The following VIPR2 variants were observed in gnomAD, a reference collection of about 807,000 sequenced individuals.
The protein encoded by VIPR2 is vasoactive intestinal polypeptide receptor 2.
Under a neutral mutation model 58.0 loss-of-function variants are expected in VIPR2, and 48 were observed. That is an observed-to-expected ratio of 0.83 (90% CI 0.66 to 1.05). The LOEUF (loss-of-function observed/expected upper bound fraction) is 1.05. VIPR2 is among the 50% of genes least tolerant of loss of function. The probability of loss-of-function intolerance (pLI) is 0.00; values close to 1 mark genes in which losing one functional copy is unlikely to be tolerated. For missense variants in VIPR2, 534 were observed against 558.0 expected, an observed-to-expected ratio of 0.96 and a Z score of 0.43; for synonymous variants, 243 against 235.2, an observed-to-expected ratio of 1.03 and a Z score of -0.30.
chr7:159,126,261 A>G (rs1057182494), intron 2 of VIPR2, among the ~76,000 whole-genome samples: 4 of 152,240 alleles, frequency 2.6e-5, no homozygotes, highest in African/African-American at 7.2e-5. Context: ...TAATTCTAAC[A>G]CAAACAGTGA....
Position 159,093,812 on chromosome 7 carries a change from G to A in VIPR2, c.357+9945C>T, listed in dbSNP as rs551115346. 1.3e-5 allele frequency among the ~76,000 whole-genome samples: 2 copies of A among 151,012 alleles called. No individual in the cohort carries two copies. The highest frequency in any genetic ancestry group is 1.9e-4 in the East Asian group (1 of 5,148). ...CCGGACAGGGGAGAGGCCCTGCAGCGTCCCTGGGTCCGGACATGGGAGAGG... is the reference window on the plus strand; with the variant it reads ...CCGGACAGGGGAGAGGCCCTGCAGCATCCCTGGGTCCGGACATGGGAGAGG... On this transcript the variant is annotated intron_variant, in intron 4 of 12. Transcript: ENST00000262178. This position sits in a 1 kb window ranked among gnomAD's most constrained non-coding sequence, Gnocchi z 6.7.
At chr7:159,084,682 G>A (rs947497683) in intron 4 of VIPR2, among the ~76,000 whole-genome samples, 7 of 152,224 alleles carry the variant, frequency 4.6e-5, no homozygotes, top group Admixed American at 3.9e-4. Context: ...ATGGGTCCCC[G>A]GAGCATGTGG....
At chr7:159,037,698 AT>A (rs1398479219) in intron 6 of VIPR2, among the ~76,000 whole-genome samples, 4 of 152,228 alleles carry the variant, frequency 2.6e-5, no homozygotes, top group Admixed American at 2.0e-4. Flanking sequence ...GCATTATTAT[AT>A]AAAATCCATC....
chr7:159,092,758 TCA>T (rs1857578709), intron 4 of VIPR2, among the ~76,000 whole-genome samples: 1 of 151,608 alleles, frequency 6.6e-6, no homozygotes, highest in South Asian at 2.1e-4. Flanking sequence ...TCGGCTGTTC[TCA>T]GAGATTTGTG....
chr7:159,113,811 T>A (rs1486030570), intron 2 of VIPR2, among the ~76,000 whole-genome samples: 1 of 152,174 alleles, frequency 6.6e-6, no homozygotes, highest in East Asian at 1.9e-4. Flanking sequence ...GAGAGATAGA[T>A]CTTTATTCTT....
rs989362103 is a variant in VIPR2 at position 159,047,825 on chromosome 7, T to G, written c.456-4649A>C. Among the ~76,000 whole-genome samples, 6 of 152,346 alleles carry G rather than the reference T, an allele frequency of 3.9e-5. No homozygotes were observed. The East Asian group carries it at 9.6e-4, about 24-fold the overall frequency. On this transcript the variant is annotated intron_variant, in intron 5 of 12. Transcript: ENST00000262178. ...TGCTTGGGTGAGTCATGGAAGAATTTTACAATATTCACTGTATTGGTAACT... is the reference window on the plus strand; with the variant it reads ...TGCTTGGGTGAGTCATGGAAGAATTGTACAATATTCACTGTATTGGTAACT...
intron 4 of VIPR2, among the ~76,000 whole-genome samples, chr7:159,082,821 G>T (rs2129494947): frequency 6.6e-6 from 1 of 152,272 alleles, no homozygotes; most frequent in South Asian, 2.1e-4. Flanking sequence ...CAGACAGATA[G>T]ACCTGCTCCC....
At position 159,099,284 on chromosome 7, in the gene VIPR2, A is replaced by G. The variant is rs1858063610; in HGVS notation, c.357+4473T>C. Among the ~76,000 whole-genome samples, 1 of 152,240 alleles carries G rather than the reference A, an allele frequency of 6.6e-6. No homozygotes were observed. The highest frequency in any genetic ancestry group is 2.4e-5 in the African/African-American group (1 of 41,464). On this transcript the variant is annotated intron_variant, in intron 4 of 12. Transcript: ENST00000262178. This position sits in a 1 kb window ranked among gnomAD's most constrained non-coding sequence, Gnocchi z 4.2. The stretch of plus-strand genomic sequence containing the variant: ...AAGAAGAAAAATAGTTCTTCAGACT[A>G]AACAGCAAAGCATCAGGGGATCACA...
intron 5 of VIPR2, among the ~76,000 whole-genome samples, chr7:159,049,117 G>A (rs1854829294): frequency 6.6e-6 from 1 of 152,156 alleles, no homozygotes; most frequent in African/African-American, 2.4e-5. Flanking sequence ...TCTTCTTCCA[G>A]CAAGACCCTC....
At chr7:159,114,969 AG>A (rs1796183670) in intron 2 of VIPR2, among the ~76,000 whole-genome samples, 1 of 152,246 alleles carries the variant, frequency 6.6e-6, no homozygotes, top group Admixed American at 6.5e-5. Context: ...ATGTGTCATA[AG>A]TTGCAGCTAA....
Position 159,031,062 on chromosome 7 carries a change from A to T in VIPR2, c.1144-273T>A, listed in dbSNP as rs113952721. Among the ~76,000 whole-genome samples the T allele has an allele frequency of 3.3e-5, 5 of 152,186 alleles. No homozygotes were observed. Among genetic ancestry groups the T allele is most frequent in the African/African-American group, 1.2e-4 (5 of 41,454 alleles). ...ACTGCCGCGGTAAGCGCAGTCCCAC[A>T]GTCTCAGATAGTTAATATTTCTCTG... On this transcript the variant is annotated intron_variant, in intron 12 of 12. Transcript: ENST00000262178. The surrounding 1 kb of genome is among the most constrained non-coding windows in gnomAD (Gnocchi z 4.0).
At chr7:159,100,482 C>A (rs1466605568) in intron 4 of VIPR2, among the ~76,000 whole-genome samples, 1 of 151,980 alleles carries the variant, frequency 6.6e-6, no homozygotes, top group African/African-American at 2.4e-5. Flanking sequence ...CCTGCCCATG[C>A]CAGCCAGCAC....
intron 4 of VIPR2, among the ~76,000 whole-genome samples, chr7:159,061,259 C>T (rs937528072): frequency 9.3e-5 from 14 of 150,616 alleles, no homozygotes; most frequent in Admixed American, 2.0e-4. Context: ...AGCTGGGTGG[C>T]GGGATCAGTC....
intron 1 of VIPR2, chr7:159,144,200 G>T: frequency 8.6e-7 from 1 of 1,168,478 alleles, no homozygotes. Flanking sequence ...ACAAACTTAT[G>T]AGCAGTTAGT....
chr7:159,068,213 C>T (rs886765421), intron 4 of VIPR2, among the ~76,000 whole-genome samples: 1 of 152,228 alleles, frequency 6.6e-6, no homozygotes, highest in Non-Finnish European at 1.5e-5. Flanking sequence ...AGCAGGTCCT[C>T]ACTTCCGTGA....
chr7:159,139,311 A>G lies in VIPR2; in HGVS notation c.151+3135T>C, dbSNP rs1056727299. On this transcript the variant is annotated intron_variant, in intron 2 of 12. Transcript: ENST00000262178. ...GGGGTTTCCTAAGCCAGTTCTCCTCAGCTACAACACAAATGCACTGCATCG... is the reference window on the plus strand; with the variant it reads ...GGGGTTTCCTAAGCCAGTTCTCCTCGGCTACAACACAAATGCACTGCATCG... 2.6e-5 allele frequency among the ~76,000 whole-genome samples: 4 copies of G among 152,160 alleles called. No homozygotes were observed. The South Asian group carries it at 8.3e-4, about 32-fold the overall frequency.
intron 2 of VIPR2, 81 bp downstream of exon 2, chr7:159,142,365 G>T: frequency 4.3e-6 from 4 of 936,182 alleles, no homozygotes; most frequent in Non-Finnish European, 6.6e-6. Flanking sequence ...TGCAGGTGGT[G>T]ACCCTGAACC....
chr7:159,094,250 G>A (rs1857689140), intron 4 of VIPR2, among the ~76,000 whole-genome samples: 1 of 152,186 alleles, frequency 6.6e-6, no homozygotes, highest in South Asian at 2.1e-4. Context: ...AGAGGCCACG[G>A]GGTCTCTGAT....
At chr7:159,045,891 A>ATATATATCTAT (rs55934723) in intron 5 of VIPR2, among the ~76,000 whole-genome samples, 2 of 147,950 alleles carry the variant, frequency 1.4e-5, no homozygotes, top group Non-Finnish European at 3.0e-5. Context: ...TTAGTATCTA[A>ATATATATCTAT]AATATATAAA....
Sources: allele counts gnomAD v4.1 joint callset (sites outside exome capture counted in the v4.1 genomes callset), GRCh38; gene constraint gnomAD v4.1.1; non-coding constraint Gnocchi (gnomAD v3.1); transcripts MANE v1.5; gene names NCBI Gene and HGNC (gene_info 2026-07-23, HGNC 2026-07-21).